Variants in XDH observed in about 807,000 individuals in gnomAD.
XDH encodes xanthine dehydrogenase, also known as xanthine dehydrogenase/oxidase.
Under a neutral mutation model 156.1 loss-of-function variants are expected in XDH, and 138 were observed. The ratio of observed to expected loss-of-function variants is 0.88; its 90% CI spans 0.77 to 1.02. The LOEUF is 1.02. Ranked by LOEUF, XDH falls within the 50% of genes least tolerant of loss-of-function variation. The pLI is 0.00. For synonymous variants in XDH, 669 were observed against 625.7 expected, an observed-to-expected ratio of 1.07 and a Z score of -1.03; for missense variants, 1,849 against 1,684.9, an observed-to-expected ratio of 1.10 and a Z score of -1.71.
At position 31,398,668 on chromosome 2, in the gene XDH, C is replaced by A; in HGVS notation, c.338G>T (p.Cys113Phe). The A allele has an allele frequency of 6.2e-7, 1 of 1,614,138 alleles. No homozygotes were observed. The highest frequency in any genetic ancestry group is 8.5e-7 in the Non-Finnish European group (1 of 1,179,984). The change falls in exon 5 of 36, where the codon TGC becomes TTC. Residue 113 changes from cysteine to phenylalanine, a missense_variant. Transcript: ENST00000379416. ...ERIAKSHGSQ[C>F]GFCTPGIVMS... ...GACGATGCCAGGGGTGCAGAACCCG[C>A]ACTGGGAGCCGTGGCTTTTGGCAAT...
rs45555737 is a variant in XDH, at chr2:31,345,380, C to G, written c.3352-644G>C. On this transcript the variant is annotated intron_variant, in intron 30 of 35. Transcript: ENST00000379416. ...CTTTTACATATGCTTTCCTGTTGAT[C>G]AAACTATCCCTCCATCCTATCCCTT... is the stretch of plus-strand genomic sequence containing the variant. Among the ~76,000 whole-genome samples the G allele has an allele frequency of 4.4e-3, 667 of 152,306 alleles. 15 individuals carry two copies. The East Asian group carries it at 0.044, about 10-fold the overall frequency.
rs45568731 is a variant in XDH, at chr2:31,383,495, G to A, written c.886+260C>T. Among the ~76,000 whole-genome samples, 1,804 of 133,368 alleles carry A rather than the reference G, an allele frequency of 0.014. 21 individuals carry two copies. Among genetic ancestry groups the A allele is most frequent in the South Asian group, 0.036 (134 of 3,688 alleles). 87.5% of individuals were successfully genotyped at this position (133,368 alleles called of 152,430 possible). A position where few individuals can be genotyped will look rare whatever the true frequency, so the allele number is the denominator to read the frequency against. ...GCACAATCCCCACCTCCCCACCCCC[G>A]CATGAGTGATTCTAATGTGTAGCCA... is the stretch of plus-strand genomic sequence containing the variant. On this transcript the variant is annotated intron_variant, in intron 10 of 35. Coordinates refer to ENST00000379416, the MANE Select transcript of XDH (RefSeq NM_000379.4).
chr2:31,376,807 G>T (rs1258124100), intron 14 of XDH, among the ~76,000 whole-genome samples: 2 of 150,220 alleles, frequency 1.3e-5, no homozygotes, highest in African/African-American at 4.9e-5. Context: ...AGCAGCAATG[G>T]TAATAGCATA....
At chr2:31,370,852 G>A (rs371806892) in intron 17 of XDH, among the ~76,000 whole-genome samples, 1 of 152,128 alleles carries the variant, frequency 6.6e-6, no homozygotes, top group East Asian at 1.9e-4. Context: ...AATAAATAAA[G>A]TGAAGAAGGC....
intron 24 of XDH, among the ~76,000 whole-genome samples, chr2:31,354,868 T>C (rs899050197): frequency 2.0e-5 from 3 of 152,164 alleles, no homozygotes; most frequent in Non-Finnish European, 2.9e-5. Flanking sequence ...ATGAAAGTAC[T>C]CAAAGCAATA....
intron 12 of XDH, among the ~76,000 whole-genome samples, chr2:31,380,870 C>G (rs1686419410): frequency 6.6e-6 from 1 of 152,206 alleles, no homozygotes; most frequent in Non-Finnish European, 1.5e-5. Context: ...ACAGACAGAA[C>G]AGATGCAAAT....
At chr2:31,413,624 A>G (rs576448840) in intron 1 of XDH, among the ~76,000 whole-genome samples, 2 of 152,346 alleles carry the variant, frequency 1.3e-5, no homozygotes, top group South Asian at 4.1e-4. Context: ...AAGTCACTCA[A>G]AATTACATCA....
intron 31 of XDH, among the ~76,000 whole-genome samples, chr2:31,343,113 C>T (rs1440963606): frequency 6.6e-6 from 1 of 151,782 alleles, no homozygotes; most frequent in Non-Finnish European, 1.5e-5. Flanking sequence ...CAGAAAAAAC[C>T]ACCACCAATT....
intron 16 of XDH, among the ~76,000 whole-genome samples, chr2:31,373,530 A>T (rs1047956646): frequency 2.2e-5 from 2 of 91,240 alleles, no homozygotes; most frequent in African/African-American, 4.5e-5. Context: ...GAGCAGATAG[A>T]TGGTTTGTTT....
chr2:31,388,460 T>C (rs1005821945), intron 6 of XDH, among the ~76,000 whole-genome samples, 165 bp from the exon 7 acceptor site: 2 of 152,194 alleles, frequency 1.3e-5, no homozygotes, highest in African/African-American at 4.8e-5. Flanking sequence ...AGGCCTCCGC[T>C]ACATTCCCTC....
chr2:31,408,539 T>C (rs1687254558), intron 1 of XDH, among the ~76,000 whole-genome samples: 1 of 152,202 alleles, frequency 6.6e-6, no homozygotes, highest in African/African-American at 2.4e-5. Context: ...TATAATACAT[T>C]AAATACAATT....
chr2:31,370,792 G>A (rs909665499), intron 17 of XDH, among the ~76,000 whole-genome samples: 3 of 152,110 alleles, frequency 2.0e-5, no homozygotes, highest in African/African-American at 7.2e-5. Context: ...TTGAGCCCAG[G>A]AGTTTAAGAC....
At position 31,370,378 on chromosome 2, in the gene XDH, C is replaced by T. The variant is rs757072570; in HGVS notation, c.1957G>A (p.Glu653Lys). 1.2e-6 allele frequency: 2 copies of T among 1,614,226 alleles called. No individual in the cohort carries two copies. Among genetic ancestry groups the T allele is most frequent in the Non-Finnish European group, 1.7e-6 (2 of 1,180,050 alleles). Residue 653 changes from glutamate to lysine, a missense_variant, in exon 18 of 36, where the codon GAG becomes AAG. Physicochemically the swap from Glu to Lys is moderately conservative, Grantham distance 56. Transcript: ENST00000379416. ...GSNITGICND[E>K]TVFAKDKVTC... Reference sequence around the variant, plus strand: ...ACCTTATCCTTCGCAAAGACTGTCTCATCATTACAAATTCCAGTTATGTTA... The same window carrying T: ...ACCTTATCCTTCGCAAAGACTGTCTTATCATTACAAATTCCAGTTATGTTA...
chr2:31,365,064 C>A (rs1010923912), intron 23 of XDH, among the ~76,000 whole-genome samples: 1 of 152,158 alleles, frequency 6.6e-6, no homozygotes, highest in South Asian at 2.1e-4. Flanking sequence ...CTGTCCAGGC[C>A]CCTGGGAAGT....
At chr2:31,358,279 G>T (rs1158005653) in intron 24 of XDH, among the ~76,000 whole-genome samples, 1 of 152,034 alleles carries the variant, frequency 6.6e-6, no homozygotes, top group East Asian at 1.9e-4. Context: ...TAGTTTTAAG[G>T]CTATCAGAAA....
At chr2:31,376,993 C>T in intron 14 of XDH, 60 bp downstream of exon 14, 1 of 1,598,978 alleles carries the variant, frequency 6.3e-7, no homozygotes, top group Non-Finnish European at 8.6e-7. Context: ...GCAGCAGTAA[C>T]AATGATACTA....
chr2:31,377,330 G>A (rs577964928), intron 13 of XDH, 93 bp from the exon 14 acceptor site: 7 of 1,383,604 alleles, frequency 5.1e-6, no homozygotes, highest in Middle Eastern at 4.9e-4. Context: ...GGTGAGGTGA[G>A]GGGATAACAC....
At position 31,401,328 on chromosome 2, in the gene XDH, G is replaced by T. The variant is rs1318391778; in HGVS notation, c.198C>A (p.Val66=). ...SKYDRLQNKI[V]HFSANACLAP... ...CCAGGCAGGCATTGGCAGAAAAGTG[G>T]CTAGAACCCCAGATTAAGGTCATTC... Residue 66 remains valine, a splice_region_variant and synonymous_variant, in exon 4 of 36, where the codon GTC becomes GTA. Coordinates refer to ENST00000379416, the MANE Select transcript of XDH (RefSeq NM_000379.4). 1.2e-6 allele frequency: 2 copies of T among 1,614,108 alleles called. No homozygotes were observed. Among genetic ancestry groups the T allele is most frequent in the Non-Finnish European group, 1.7e-6 (2 of 1,180,010 alleles).
At chr2:31,368,707 G>A in intron 18 of XDH, 47 bp from the exon 19 acceptor site, 1 of 1,614,138 alleles carries the variant, frequency 6.2e-7, no homozygotes, top group Non-Finnish European at 8.5e-7. Context: ...GGCTCATGGT[G>A]AAACAAATTA....
Sources: gnomAD v4.1 joint callset for allele counts (sites outside exome capture counted in the v4.1 genomes callset) on GRCh38, gnomAD v4.1.1 for gene constraint, MANE v1.5 for transcripts, NCBI Gene and HGNC (gene_info 2026-07-23, HGNC 2026-07-21) for gene names.